The following FGF19 variants were observed in gnomAD, a reference collection of about 807,000 sequenced individuals.
The protein encoded by FGF19 is FGF-19.
A neutral mutation model predicts 8.9 loss-of-function variants in FGF19; 5 were observed. The observed-to-expected ratio is 0.56, with a 90% CI of 0.29 to 1.18. The LOEUF (loss-of-function observed/expected upper bound fraction) is 1.18. FGF19 is among the 50% of genes most tolerant of loss of function. The pLI is 0.08. For missense variants in FGF19, 237 were observed against 293.9 expected (o/e 0.81, Z 1.42); for synonymous variants, 124 against 128.0 (o/e 0.97, Z 0.21).
Position 69,703,146 on chromosome 11 carries a change from G to A in FGF19, c.336+115C>T. On this transcript the variant is annotated intron_variant, in intron 2 of 2. Coordinates refer to ENST00000294312, the MANE Select transcript of FGF19 (RefSeq NM_005117.3). The surrounding 1 kb of genome is among the most constrained non-coding windows in gnomAD (Gnocchi z 6.8). ...CTCGAAGTTGCACGCGGGTCTGGGCGGAGGAGGCGAGGAAACCCTGGATTC... is the reference window on the plus strand; with the variant it reads ...CTCGAAGTTGCACGCGGGTCTGGGCAGAGGAGGCGAGGAAACCCTGGATTC... 2 of 647,054 alleles carry A rather than the reference G, an allele frequency of 3.1e-6. No individual in the cohort carries two copies. Among genetic ancestry groups the A allele is most frequent in the Non-Finnish European group, 5.2e-6 (2 of 381,186 alleles). The allele number at this position is 647,054 out of a possible 1,614,324, so 40.1% of individuals were successfully genotyped here. A position where few individuals can be genotyped will look rare whatever the true frequency, so the allele number is the denominator to read the frequency against.
At position 69,703,854 on chromosome 11, in the gene FGF19, A is replaced by C. The variant is rs548634466; in HGVS notation, c.23T>G (p.Val8Gly). The C allele has an allele frequency of 2.6e-5, 32 of 1,243,814 alleles. No homozygotes were observed. Among genetic ancestry groups the C allele is most frequent in the Non-Finnish European group, 3.2e-5 (32 of 994,412 alleles). 77.0% of individuals were successfully genotyped at this position (1,243,814 alleles called of 1,614,324 possible). Residue 8 changes from valine (V) to glycine (G), a missense_variant, in exon 1 of 3, where the codon GTC (valine) becomes GGC (glycine). Physicochemically the swap from Val to Gly is moderately radical, Grantham distance 109 (BLOSUM62 -3). Coordinates refer to ENST00000294312, the MANE Select transcript of FGF19 (RefSeq NM_005117.3). The surrounding 1 kb of genome is among the most constrained non-coding windows in gnomAD (Gnocchi z 6.8). MRSGCVVVHVWILAGLWL... is the reference protein window; with the variant it reads MRSGCVVGHVWILAGLWL... ...GAGGCCGGCCAGGATCCATACGTGG[A>C]CCACCACACACCCGCTCCGCATGGC...
At chr11:69,701,132 G>A (rs940101683) in intron 2 of FGF19, among the ~76,000 whole-genome samples, 3 of 152,238 alleles carry the variant, frequency 2.0e-5, no homozygotes, top group Non-Finnish European at 4.4e-5. Flanking sequence ...GACAGCAAGC[G>A]TGATTTCTCC....
rs753575689 is a variant in FGF19, at chr11:69,702,817, G to T, written c.336+444C>A. Reference sequence around the variant, plus strand: ...CTTGACAATTGATTTGTTTTTAAAGGAAAGTTATGGGTAGATCCTCTTTTT... The same window carrying T: ...CTTGACAATTGATTTGTTTTTAAAGTAAAGTTATGGGTAGATCCTCTTTTT... On this transcript the variant is annotated intron_variant, in intron 2 of 2. Transcript: ENST00000294312. The surrounding 1 kb of genome is among the most constrained non-coding windows in gnomAD (Gnocchi z 4.6). Among the ~76,000 whole-genome samples, 1 of 152,158 alleles carries T rather than the reference G, an allele frequency of 6.6e-6. No individual in the cohort carries two copies. The highest frequency in any genetic ancestry group is 2.1e-4 in the South Asian group (1 of 4,832).
chr11:69,702,849 CCATT>C lies in FGF19; in HGVS notation c.336+408_336+411del, dbSNP rs1274081802. Among the ~76,000 whole-genome samples, 3 of 151,812 alleles carry C rather than the reference CCATT, an allele frequency of 2.0e-5. No individual in the cohort carries two copies. The highest frequency in any genetic ancestry group is 4.4e-5 in the Non-Finnish European group (3 of 67,946). ...ATGGGTAGATCCTCTTTTTTCTTTC[CCATT>C]CTTTTTTTCTTCTTTTATACTGGAG... On this transcript the variant is annotated intron_variant, in intron 2 of 2. Coordinates refer to ENST00000294312, the MANE Select transcript of FGF19 (RefSeq NM_005117.3). This position sits in a 1 kb window ranked among gnomAD's most constrained non-coding sequence, Gnocchi z 4.6.
intron 2 of FGF19, 50 bp from the exon 3 acceptor site, chr11:69,699,626 C>A: frequency 6.9e-7 from 1 of 1,457,968 alleles, no homozygotes; most frequent in Non-Finnish European, 9.3e-7. Flanking sequence ...ACAGGGAACA[C>A]GGGTCCACAT....
chr11:69,699,608 C>T (rs749893226), intron 2 of FGF19, 32 bp from the exon 3 acceptor site: 12 of 1,546,810 alleles, frequency 7.8e-6, no homozygotes, highest in East Asian at 2.3e-5. Flanking sequence ...CTGAGCAATC[C>T]ACAGTGGACA....
At position 69,702,492 on chromosome 11, in the gene FGF19, G is replaced by A. The variant is rs971264209; in HGVS notation, c.336+769C>T. 6.6e-6 allele frequency among the ~76,000 whole-genome samples: 1 copy of A among 152,094 alleles called. No homozygotes were observed. ...CCTCTGCGCGCGGGGCCGCGGGAGGGGCGCGGGTTCGTTCCTTTGAACTCC... is the reference window on the plus strand; with the variant it reads ...CCTCTGCGCGCGGGGCCGCGGGAGGAGCGCGGGTTCGTTCCTTTGAACTCC... On this transcript the variant is annotated intron_variant, in intron 2 of 2. Transcript: ENST00000294312. The surrounding 1 kb of genome is among the most constrained non-coding windows in gnomAD (Gnocchi z 4.6).
In FGF19 at chr11:69,703,354, C is replaced by G; in HGVS notation, c.243G>C (p.Glu81Asp). The G allele has an allele frequency of 6.2e-7, 1 of 1,608,052 alleles. No homozygotes were observed. The highest frequency in any genetic ancestry group is 2.2e-5 in the East Asian group (1 of 44,708). The change falls in exon 2 of 3, where the codon GAG becomes GAC. Residue 81 changes from glutamate (E) to aspartate (D), a missense_variant. Glu to Asp is a conservative substitution (Grantham distance 45). Coordinates refer to ENST00000294312, the MANE Select transcript of FGF19 (RefSeq NM_005117.3). The surrounding 1 kb of genome is among the most constrained non-coding windows in gnomAD (Gnocchi z 6.8). Reference sequence around the variant, plus strand: ...CGGTCCGCAGAGCGACTGCCTTGATCTCCAGCAAACCTAGGCGCAGGGGAA... The same window carrying G: ...CGGTCCGCAGAGCGACTGCCTTGATGTCCAGCAAACCTAGGCGCAGGGGAA... Reference protein sequence around the residue: ...ARGQSAHSLLEIKAVALRTVA... With the variant: ...ARGQSAHSLLDIKAVALRTVA...
rs897343045 is a variant in FGF19, at chr11:69,702,716, C to G, written c.336+545G>C. On this transcript the variant is annotated intron_variant, in intron 2 of 2. Coordinates refer to ENST00000294312, the MANE Select transcript of FGF19 (RefSeq NM_005117.3). The surrounding 1 kb of genome is among the most constrained non-coding windows in gnomAD (Gnocchi z 4.6). ...CCAGCGCATCTGCGTCTAAGCCACA[C>G]CGTGCTCCTGGTAGATTAAAAATTA... Among the ~76,000 whole-genome samples, 1 of 152,130 alleles carries G rather than the reference C, an allele frequency of 6.6e-6. No homozygotes were observed. The highest frequency in any genetic ancestry group is 2.4e-5 in the African/African-American group (1 of 41,414).
chr11:69,703,946 G>C lies in FGF19; in HGVS notation c.-70C>G. On this transcript the variant is annotated 5_prime_UTR_variant, in exon 1 of 3. Coordinates refer to ENST00000294312, the MANE Select transcript of FGF19 (RefSeq NM_005117.3). The surrounding 1 kb of genome is among the most constrained non-coding windows in gnomAD (Gnocchi z 6.8). ...CGGGAGGCTGGGCGGCGACCGGGAT[G>C]CGCTGCGGGGCTGTGAGTGCCGGGT... 1 of 933,272 alleles carries C rather than the reference G, an allele frequency of 1.1e-6. No homozygotes were observed. The highest frequency in any genetic ancestry group is 1.4e-6 in the Non-Finnish European group (1 of 711,594). 57.8% of individuals were successfully genotyped at this position (933,272 alleles called of 1,614,324 possible).
rs1854783592 is a variant in FGF19, at chr11:69,702,474, G to T, written c.336+787C>A. 6.6e-6 allele frequency among the ~76,000 whole-genome samples: 1 copy of T among 152,072 alleles called. No individual in the cohort carries two copies. On this transcript the variant is annotated intron_variant, in intron 2 of 2. Coordinates refer to ENST00000294312, the MANE Select transcript of FGF19 (RefSeq NM_005117.3). This position sits in a 1 kb window ranked among gnomAD's most constrained non-coding sequence, Gnocchi z 4.6. ...CGAGACCTCACACAGCCTCCTCTGC[G>T]CGCGGGGCCGCGGGAGGGGCGCGGG...
rs1416603780 is a variant in FGF19, at chr11:69,703,375, G to A, written c.233-11C>T. ...TGATCTCCAGCAAACCTAGGCGCAG[G>A]GGAAGCGAGAAGCTGCAGCAAGGAC... On this transcript the variant is annotated splice_polypyrimidine_tract_variant and intron_variant, in intron 1 of 2. Transcript: ENST00000294312. This position sits in a 1 kb window ranked among gnomAD's most constrained non-coding sequence, Gnocchi z 6.8. 43 of 1,595,918 alleles carry A rather than the reference G, an allele frequency of 2.7e-5. No homozygotes were observed. Among genetic ancestry groups the A allele is most frequent in the Non-Finnish European group, 3.7e-5 (43 of 1,171,106 alleles).
At position 69,703,597 on chromosome 11, in the gene FGF19, G is replaced by T. The variant is rs1854802487; in HGVS notation, c.232+48C>A. ...CGCTGGGGTGGGGCGCGCGCAGCGG[G>T]GTGGGGTGCGCGCGGCGGGGCGGGC... On this transcript the variant is annotated intron_variant, in intron 1 of 2. Coordinates refer to ENST00000294312, the MANE Select transcript of FGF19 (RefSeq NM_005117.3). The surrounding 1 kb of genome is among the most constrained non-coding windows in gnomAD (Gnocchi z 6.8). 2.0e-6 allele frequency: 2 copies of T among 984,342 alleles called. No individual in the cohort carries two copies. The highest frequency in any genetic ancestry group is 4.3e-5 in the Admixed American group (1 of 23,074). The allele number at this position is 984,342 out of a possible 1,614,324, so 61.0% of individuals were successfully genotyped here. A position where few individuals can be genotyped will look rare whatever the true frequency, so the allele number is the denominator to read the frequency against.
Position 69,698,981 on chromosome 11 carries a change from C to A in FGF19, c.*281G>T, listed in dbSNP as rs1248917996. The A allele has an allele frequency of 1.2e-4, 48 of 398,212 alleles. No individual in the cohort carries two copies. The Admixed American group carries it at 1.9e-3, about 16-fold the overall frequency. The allele number at this position is 398,212 out of a possible 1,614,324, so 24.7% of individuals were successfully genotyped here. A position where few individuals can be genotyped will look rare whatever the true frequency, so the allele number is the denominator to read the frequency against. On this transcript the variant is annotated 3_prime_UTR_variant, in exon 3 of 3. Transcript: ENST00000294312. ...CATCGATGGAGGTATTCAAGCAGAA[C>A]TGAGACAGTGCAGCAGCTTGTCCAG...
rs1854795261 is a variant in FGF19 at position 69,703,146 on chromosome 11, G to T, written c.336+115C>A. On this transcript the variant is annotated intron_variant, in intron 2 of 2. Transcript: ENST00000294312. The surrounding 1 kb of genome is among the most constrained non-coding windows in gnomAD (Gnocchi z 6.8). ...CTCGAAGTTGCACGCGGGTCTGGGC[G>T]GAGGAGGCGAGGAAACCCTGGATTC... 1.5e-6 allele frequency: 1 copy of T among 647,056 alleles called. No homozygotes were observed. The highest frequency in any genetic ancestry group is 2.6e-6 in the Non-Finnish European group (1 of 381,186). The allele number at this position is 647,056 out of a possible 1,614,324, so 40.1% of individuals were successfully genotyped here. A position where few individuals can be genotyped will look rare whatever the true frequency, so the allele number is the denominator to read the frequency against.
At position 69,699,342 on chromosome 11, in the gene FGF19, G is replaced by A. The variant is rs1264857484; in HGVS notation, c.571C>T (p.Pro191Ser). ...GHLESDMFSS[P>S]LETDSMDPFG... ...GGGTCCATGCTGTCGGTCTCCAGGG[G>A]CGAAGAGAACATGTCAGATTCCAAG... Residue 191 changes from proline (P) to serine (S), a missense_variant, in exon 3 of 3, where the codon CCC becomes TCC. Pro to Ser is a moderately conservative substitution (Grantham distance 74). Transcript: ENST00000294312. 2 of 1,614,078 alleles carry A rather than the reference G, an allele frequency of 1.2e-6. No homozygotes were observed. The highest frequency in any genetic ancestry group is 1.7e-5 in the Admixed American group (1 of 60,006).
rs1854811649 is a variant in FGF19 at position 69,703,982 on chromosome 11, G to A, written c.-106C>T. 1 of 661,550 alleles carries A rather than the reference G, an allele frequency of 1.5e-6. No homozygotes were observed. Among genetic ancestry groups the A allele is most frequent in the Non-Finnish European group, 2.2e-6 (1 of 464,568 alleles). 41.0% of individuals were successfully genotyped at this position (661,550 alleles called of 1,614,324 possible). On this transcript the variant is annotated 5_prime_UTR_variant, in exon 1 of 3. The change creates a new upstream start codon in the 5' untranslated region. Transcript: ENST00000294312. This position sits in a 1 kb window ranked among gnomAD's most constrained non-coding sequence, Gnocchi z 6.8. The stretch of plus-strand genomic sequence containing the variant: ...CTGTGAGTGCCGGGTTGGGATGGTC[G>A]TGGCCCTAGATCCTGGACGCAGCGC...
rs1854798197 is a variant in FGF19, at chr11:69,703,294, G to A, written c.303C>T (p.Leu101=). The change falls in exon 2 of 3, where the codon CTC becomes CTT. Residue 101 remains leucine (L), a synonymous_variant. Coordinates refer to ENST00000294312, the MANE Select transcript of FGF19 (RefSeq NM_005117.3). This position sits in a 1 kb window ranked among gnomAD's most constrained non-coding sequence, Gnocchi z 6.8. ...AIKGVHSVRY[L]CMGADGKMQG... is the part of the protein sequence containing the mutation. ...GCATCTTGCCGTCGGCGCCCATGCA[G>A]AGGTACCGCACGCTGTGCACGCCCT... The A allele has an allele frequency of 6.2e-7, 1 of 1,609,170 alleles. No homozygotes were observed. Among genetic ancestry groups the A allele is most frequent in the Non-Finnish European group, 8.5e-7 (1 of 1,178,236 alleles).
At chr11:69,700,278 G>A (rs1854753995) in intron 2 of FGF19, among the ~76,000 whole-genome samples, 1 of 151,752 alleles carries the variant, frequency 6.6e-6, no homozygotes, top group Non-Finnish European at 1.5e-5. Flanking sequence ...CATGCACACA[G>A]ACAAAACTGA....
Sources: gnomAD v4.1 joint callset for allele counts (sites outside exome capture counted in the v4.1 genomes callset) on GRCh38, gnomAD v4.1.1 for gene constraint, Gnocchi (gnomAD v3.1) non-coding constraint, MANE v1.5 for transcripts, NCBI Gene and HGNC (gene_info 2026-07-23, HGNC 2026-07-21) for gene names.